The following ADK variants were observed in gnomAD, a reference collection of about 807,000 sequenced individuals.
ADK encodes the protein N6,N6-dimethyladenosine kinase.
ADK carries 24 observed loss-of-function variants against 44.7 expected under a neutral mutation model. That is an observed-to-expected ratio of 0.54 (90% CI 0.39 to 0.76). ADK has a LOEUF of 0.76. Among genes scored for constraint, ADK ranks in the 30% least tolerant of loss-of-function variants. The pLI, the probability that ADK is intolerant of heterozygous loss-of-function variation, is 0.00. For synonymous variants in ADK, 128 were observed against 142.6 expected (o/e 0.90, Z 0.73); for missense variants, 321 against 425.1 (o/e 0.76, Z 2.15).
At chr10:74,649,368 G>A (rs758844555) in intron 9 of ADK, among the ~76,000 whole-genome samples, 22 of 152,112 alleles carry the variant, frequency 1.4e-4, no homozygotes, top group Non-Finnish European at 3.1e-4. Flanking sequence ...TCTCACCCCT[G>A]TATTTCCAAC....
intron 10 of ADK, among the ~76,000 whole-genome samples, chr10:74,680,206 T>TCGGGAGGCTGAGGCAGGAGAATGG (rs1189540714): frequency 6.6e-6 from 1 of 151,112 alleles, no homozygotes; most frequent in African/African-American, 2.4e-5. Context: ...TCCCAGCTAC[T>TCGGGAGGCTGAGGCAGGAGAATGG]CGGGAGGCTG....
chr10:74,516,189 T>C (rs1329725473), intron 6 of ADK, among the ~76,000 whole-genome samples: 1 of 152,144 alleles, frequency 6.6e-6, no homozygotes, highest in Non-Finnish European at 1.5e-5. Flanking sequence ...GGCCTTCATG[T>C]GTTTGTGGTG....
intron 10 of ADK, among the ~76,000 whole-genome samples, chr10:74,701,369 A>G (rs1589381890): frequency 6.6e-6 from 1 of 152,306 alleles, no homozygotes; most frequent in Non-Finnish European, 1.5e-5. Flanking sequence ...TCTGTTCATT[A>G]ACATGGTCTA....
At chr10:74,482,051 A>G (rs1207998450) in intron 6 of ADK, among the ~76,000 whole-genome samples, 1 of 152,202 alleles carries the variant, frequency 6.6e-6, no homozygotes, top group Non-Finnish European at 1.5e-5. Flanking sequence ...TATTTAAACA[A>G]ATTTTAAGTC....
intron 9 of ADK, among the ~76,000 whole-genome samples, chr10:74,652,953 A>G (rs1406027889): frequency 6.6e-6 from 1 of 152,222 alleles, no homozygotes; most frequent in Non-Finnish European, 1.5e-5. Flanking sequence ...AGAGAAATGT[A>G]CGATCAATTC....
intron 2 of ADK, among the ~76,000 whole-genome samples, chr10:74,204,899 G>A (rs1843531428): frequency 6.6e-6 from 1 of 151,844 alleles, no homozygotes; most frequent in Non-Finnish European, 1.5e-5. Flanking sequence ...AATTAGCCAG[G>A]TGTGATGGCA....
intron 3 of ADK, among the ~76,000 whole-genome samples, chr10:74,239,654 T>C (rs186615577): frequency 2.6e-4 from 37 of 142,318 alleles, no homozygotes; most frequent in African/African-American, 9.9e-4. Flanking sequence ...TGAGTCTGCA[T>C]GCAGTGAGCC....
At chr10:74,267,309 A>G (rs1182863105) in intron 3 of ADK, among the ~76,000 whole-genome samples, 2 of 152,208 alleles carry the variant, frequency 1.3e-5, no homozygotes, top group Non-Finnish European at 2.9e-5. Flanking sequence ...AGTTGTGTAT[A>G]TGGAGAGAAG....
At position 74,394,318 on chromosome 10, in the gene ADK, G is replaced by C; in HGVS notation, c.446+5G>C. 1 of 1,613,474 alleles carries C rather than the reference G, an allele frequency of 6.2e-7. No homozygotes were observed. The highest frequency in any genetic ancestry group is 8.5e-7 in the Non-Finnish European group (1 of 1,179,854). On this transcript the variant is annotated splice_donor_5th_base_variant and intron_variant, in intron 5 of 10. Coordinates refer to ENST00000539909, the MANE Select transcript of ADK (RefSeq NM_006721.4). ...ATGCATCACTGGTGACAACAGGTCA[G>C]TGTAATTCCAAGGGAACCACTATAC...
intron 6 of ADK, among the ~76,000 whole-genome samples, chr10:74,424,456 C>T (rs2133047447): frequency 7.1e-6 from 1 of 141,214 alleles, no homozygotes; most frequent in South Asian, 2.2e-4. Context: ...ATTGCTTGAA[C>T]CTGGGAGGTG....
chr10:74,650,807 G>A (rs1178294880), intron 9 of ADK, among the ~76,000 whole-genome samples: 8 of 152,174 alleles, frequency 5.3e-5, no homozygotes, highest in Non-Finnish European at 1.0e-4. Context: ...TGTGATCTGT[G>A]AACAGGCCAA....
intron 10 of ADK, among the ~76,000 whole-genome samples, chr10:74,695,824 G>C (rs1474455174): frequency 6.6e-6 from 1 of 151,818 alleles, no homozygotes; most frequent in Non-Finnish European, 1.5e-5. Flanking sequence ...ATTTTTTGTA[G>C]AGCCGAGGTT....
At chr10:74,455,799 TTTTC>T (rs1845924425) in intron 6 of ADK, among the ~76,000 whole-genome samples, 2 of 152,236 alleles carry the variant, frequency 1.3e-5, no homozygotes, top group African/African-American at 4.8e-5. Flanking sequence ...GTGAAAATTC[TTTTC>T]TTTAAGAATA....
rs537452086 is a variant in ADK, at chr10:74,406,556, G to T, written c.555+7977G>T. On this transcript the variant is annotated intron_variant, in intron 6 of 10. Coordinates refer to ENST00000539909, the MANE Select transcript of ADK (RefSeq NM_006721.4). Reference sequence around the variant, plus strand: ...AGAAGAAGAAGAAGAAGAAGAAGAAGAAGAAGAAGAAGCCACTTGTAGTTG... The same window carrying T: ...AGAAGAAGAAGAAGAAGAAGAAGAATAAGAAGAAGAAGCCACTTGTAGTTG... Among the ~76,000 whole-genome samples, 719 of 150,244 alleles carry T rather than the reference G, an allele frequency of 4.8e-3. 3 individuals are homozygous for T. Among genetic ancestry groups the T allele is most frequent in the African/African-American group, 0.013 (540 of 40,864 alleles).
chr10:74,236,594 G>A (rs530184124), intron 3 of ADK, among the ~76,000 whole-genome samples: 2 of 151,988 alleles, frequency 1.3e-5, no homozygotes, highest in Non-Finnish European at 1.5e-5. Context: ...CAATTTTATT[G>A]GTATAACAAA....
chr10:74,164,185 A>C (rs1428596937), intron 1 of ADK, among the ~76,000 whole-genome samples: 2 of 152,248 alleles, frequency 1.3e-5, no homozygotes, highest in Admixed American at 1.3e-4. Context: ...TTGAGATATT[A>C]TAATAAAACT....
chr10:74,370,776 C>T (rs920248884), intron 4 of ADK, among the ~76,000 whole-genome samples: 1 of 151,866 alleles, frequency 6.6e-6, no homozygotes, highest in African/African-American at 2.4e-5. Flanking sequence ...GGGGATCATA[C>T]TATGTTGCCC....
chr10:74,433,400 C>A (rs1395020591), intron 6 of ADK, among the ~76,000 whole-genome samples: 1 of 152,180 alleles, frequency 6.6e-6, no homozygotes, highest in East Asian at 1.9e-4. Flanking sequence ...GAAGATTCTG[C>A]TGAGGGCTGT....
intron 2 of ADK, among the ~76,000 whole-genome samples, chr10:74,223,727 A>G (rs761320984): frequency 6.6e-6 from 1 of 152,148 alleles, no homozygotes; most frequent in Non-Finnish European, 1.5e-5. Flanking sequence ...ATGACCAGAG[A>G]AACTGAGACT....
Sources: gnomAD v4.1 joint callset for allele counts (sites outside exome capture counted in the v4.1 genomes callset) on GRCh38, gnomAD v4.1.1 for gene constraint, MANE v1.5 for transcripts, NCBI Gene and HGNC (gene_info 2026-07-23, HGNC 2026-07-21) for gene names.